Variants in GRIP2 observed in about 807,000 individuals in gnomAD.
GRIP2 encodes glutamate receptor-interacting protein 2.
GRIP2 carries 58 observed loss-of-function variants against 108.3 expected under a neutral mutation model. The observed-to-expected ratio is 0.54, with a 90% CI of 0.43 to 0.67. The LOEUF is 0.67. GRIP2 is among the 30% of genes least tolerant of loss of function. GRIP2 has a pLI of 0.00. For synonymous variants in GRIP2, 586 were observed against 598.2 expected (o/e 0.98, Z 0.30); for missense variants, 1,278 against 1,430.6 (o/e 0.89, Z 1.72).
At chr3:14,525,412 C>A (rs7610941) in intron 3 of GRIP2, 25 bp downstream of exon 3, 9 of 1,607,620 alleles carry the variant, frequency 5.6e-6, no homozygotes, top group South Asian at 1.1e-5. Flanking sequence ...CCCCCTCCTG[C>A]GGCCGTGCCA....
intron 4 of GRIP2, 42 bp downstream of exon 4, chr3:14,524,351 A>C (rs1007670992): frequency 6.3e-7 from 1 of 1,589,788 alleles, no homozygotes; most frequent in Non-Finnish European, 8.6e-7. Context: ...GTCCACCCGC[A>C]ACCGAGGCAG....
At chr3:14,562,815 T>C in the GRIP2 span, among the ~76,000 whole-genome samples, 1 of 152,204 alleles carries the variant, frequency 6.6e-6, no homozygotes, top group African/African-American at 2.4e-5. Context: ...GTGCGCCAGA[T>C]GGGATGTGGA....
intron 3 of GRIP2, among the ~76,000 whole-genome samples, chr3:14,525,211 G>A (rs1211687566): frequency 6.6e-6 from 1 of 152,136 alleles, no homozygotes; most frequent in African/African-American, 2.4e-5. Context: ...GGTGACTGTG[G>A]GGTGCTATGG....
intron 22 of GRIP2, among the ~76,000 whole-genome samples, chr3:14,495,538 C>T (rs1693573308): frequency 6.6e-6 from 1 of 152,166 alleles, no homozygotes; most frequent in South Asian, 2.1e-4. Flanking sequence ...TCCCGAATAG[C>T]TGGGACTACA....
chr3:14,526,043 C>T (rs916669593), intron 1 of GRIP2, 112 bp from the exon 2 acceptor site: 22 of 836,608 alleles, frequency 2.6e-5, no homozygotes, highest in Non-Finnish European at 4.2e-5. Context: ...AGATGGGTTC[C>T]CTCCTGCCAC....
chr3:14,582,634 C>G, the GRIP2 span, among the ~76,000 whole-genome samples: 20 of 152,332 alleles, frequency 1.3e-4, no homozygotes, highest in African/African-American at 4.6e-4. Context: ...CTGAACATGC[C>G]AAGCTTGTTT....
chr3:14,580,689 G>A, the GRIP2 span, among the ~76,000 whole-genome samples: 1 of 152,172 alleles, frequency 6.6e-6, no homozygotes, highest in East Asian at 1.9e-4. Context: ...GCCACAGAAT[G>A]AGACCCTGTC....
At chr3:14,500,868 G>T (rs973013333) in intron 21 of GRIP2, among the ~76,000 whole-genome samples, 3 of 152,162 alleles carry the variant, frequency 2.0e-5, no homozygotes, top group African/African-American at 7.2e-5. Context: ...TTATAAGAAA[G>T]TTGGGATATG....
intron 22 of GRIP2, among the ~76,000 whole-genome samples, chr3:14,495,293 G>C (rs1167973799): frequency 1.3e-5 from 2 of 152,212 alleles, no homozygotes; most frequent in Admixed American, 1.3e-4. Context: ...CCAGGGCACT[G>C]TTACCTCCCC....
chr3:14,505,467 C>T lies in GRIP2; in HGVS notation c.2573+148G>A. 1.2e-6 allele frequency: 1 copy of T among 858,076 alleles called. No homozygotes were observed. The highest frequency in any genetic ancestry group is 1.8e-6 in the Non-Finnish European group (1 of 557,430). 53.2% of individuals were successfully genotyped at this position (858,076 alleles called of 1,614,324 possible). A position where few individuals can be genotyped will look rare whatever the true frequency, so the allele number is the denominator to read the frequency against. ...CCGTCTCAGCCTGGCTGAGGTGGCTCTGCTCAGTGCTTCTCTCCCAGGAGG... is the reference window on the plus strand; with the variant it reads ...CCGTCTCAGCCTGGCTGAGGTGGCTTTGCTCAGTGCTTCTCTCCCAGGAGG... On this transcript the variant is annotated intron_variant, in intron 20 of 23. Coordinates refer to ENST00000621039, the MANE Select transcript of GRIP2 (RefSeq NM_001080423.4). This position sits in a 1 kb window ranked among gnomAD's most constrained non-coding sequence, Gnocchi z 4.2.
chr3:14,501,438 A>G (rs1361769075), intron 21 of GRIP2, among the ~76,000 whole-genome samples: 6 of 152,246 alleles, frequency 3.9e-5, no homozygotes, highest in Admixed American at 3.9e-4. Context: ...TAAGAGACAT[A>G]ATAACCAAGC....
At chr3:14,585,962 C>T in the GRIP2 span, among the ~76,000 whole-genome samples, 1 of 152,182 alleles carries the variant, frequency 6.6e-6, no homozygotes, top group Non-Finnish European at 1.5e-5. Context: ...TCAGAAGAAA[C>T]CCAAATTCCT....
chr3:14,594,729 C>T, the GRIP2 span, among the ~76,000 whole-genome samples: 1 of 152,262 alleles, frequency 6.6e-6, no homozygotes, highest in Non-Finnish European at 1.5e-5. Flanking sequence ...AGCTTTGCCC[C>T]TTAGCTGCTG....
intron 1 of GRIP2, among the ~76,000 whole-genome samples, chr3:14,528,916 A>G (rs1288014438): frequency 6.6e-6 from 1 of 152,102 alleles, no homozygotes; most frequent in Non-Finnish European, 1.5e-5. Context: ...ATCCATTGTC[A>G]GATGTAATAA....
chr3:14,512,443 G>T lies in GRIP2; in HGVS notation c.1720+334C>A, dbSNP rs1052016696. On this transcript the variant is annotated intron_variant, in intron 14 of 23. Transcript: ENST00000621039. The surrounding 1 kb of genome is among the most constrained non-coding windows in gnomAD (Gnocchi z 5.1). ...GTTCCAGGCCTTTGCTGGGCTCTGA[G>T]AACACAGAAGCAGGCAGAAAACCAA... 6.6e-6 allele frequency among the ~76,000 whole-genome samples: 1 copy of T among 152,172 alleles called. No homozygotes were observed. Among genetic ancestry groups the T allele is most frequent in the Non-Finnish European group, 1.5e-5 (1 of 68,048 alleles).
intron 10 of GRIP2, 58 bp from the exon 11 acceptor site, chr3:14,517,271 A>G: frequency 1.0e-5 from 15 of 1,468,140 alleles, no homozygotes; most frequent in Non-Finnish European, 1.4e-5. Flanking sequence ...ACCCCACCAC[A>G]CAGTGGGTGC....
At chr3:14,555,331 G>A (rs183803157) in intron 1 of GRIP2, among the ~76,000 whole-genome samples, 32 of 148,500 alleles carry the variant, frequency 2.2e-4, no homozygotes, top group Admixed American at 9.4e-4. Flanking sequence ...ACAGCCCCAC[G>A]GCCTCAACAG....
intron 1 of GRIP2, among the ~76,000 whole-genome samples, chr3:14,554,218 G>C (rs1167224775): frequency 1.3e-5 from 2 of 152,176 alleles, no homozygotes; most frequent in Non-Finnish European, 2.9e-5. Flanking sequence ...GGCCACACAG[G>C]GAGTAAGAGC....
At position 14,511,354 on chromosome 3, in the gene GRIP2, T is replaced by G. The variant is rs1194724755; in HGVS notation, c.1788-44A>C. On this transcript the variant is annotated intron_variant, in intron 15 of 23. Transcript: ENST00000621039. This position sits in a 1 kb window ranked among gnomAD's most constrained non-coding sequence, Gnocchi z 4.1. ...GAGGGGATGGAAGGAGCCTGGTGCA[T>G]GCAGGTGCCATACTCACTGCTGTTG... 6.2e-7 allele frequency: 1 copy of G among 1,613,858 alleles called. No homozygotes were observed. Among genetic ancestry groups the G allele is most frequent in the Admixed American group, 1.7e-5 (1 of 60,002 alleles).
Sources: gnomAD v4.1 joint callset for allele counts (sites outside exome capture counted in the v4.1 genomes callset) on GRCh38, gnomAD v4.1.1 for gene constraint, Gnocchi (gnomAD v3.1) non-coding constraint, MANE v1.5 for transcripts, NCBI Gene and HGNC (gene_info 2026-07-23, HGNC 2026-07-21) for gene names.